The following DOCK6 variants were observed in gnomAD, a reference collection of about 807,000 sequenced individuals.
The protein encoded by DOCK6 is dedicator of cytokinesis 6, also known as dedicator of cytokinesis protein 6.
DOCK6 carries 167 observed loss-of-function variants against 230.3 expected under a neutral mutation model. The observed-to-expected ratio is 0.73, with a 90% CI of 0.64 to 0.82. The LOEUF (loss-of-function observed/expected upper bound fraction) is 0.82, where lower values mean the gene tolerates loss of function less well. DOCK6 is among the 40% of genes least tolerant of loss of function. The pLI is 0.00. For missense variants in DOCK6, 2,598 were observed against 2,825.8 expected (o/e 0.92, Z 1.83); for synonymous variants, 1,148 against 1,185.0 (o/e 0.97, Z 0.64).
At position 11,202,224 on chromosome 19, in the gene DOCK6, A is replaced by G; in HGVS notation, c.5452-99T>C. On this transcript the variant is annotated intron_variant, in intron 43 of 47. Transcript: ENST00000294618. The surrounding 1 kb of genome is among the most constrained non-coding windows in gnomAD (Gnocchi z 5.3). ...GGATCTGGGGACTTTGTCATTTCCA[A>G]GTCTTCCTATGTCTGGATGTTTGGG... The G allele has an allele frequency of 1.4e-6, 2 of 1,426,642 alleles. No homozygotes were observed. Among genetic ancestry groups the G allele is most frequent in the Non-Finnish European group, 9.7e-7 (1 of 1,034,228 alleles). The allele number at this position is 1,426,642 out of a possible 1,614,324, so 88.4% of individuals were successfully genotyped here. A position where few individuals can be genotyped will look rare whatever the true frequency, so the allele number is the denominator to read the frequency against.
In DOCK6 at chr19:11,200,092, G is replaced by C. The variant is rs2079142142; in HGVS notation, c.6101+216C>G. 6.6e-6 allele frequency among the ~76,000 whole-genome samples: 1 copy of C among 150,490 alleles called. No individual in the cohort carries two copies. Among genetic ancestry groups the C allele is most frequent in the African/African-American group, 2.5e-5 (1 of 40,812 alleles). ...TTGAATCTGGGAGGCGGAGGTTGCA[G>C]TGAGCCAAGACTGTGCCAACTGCAC... On this transcript the variant is annotated intron_variant, in intron 47 of 47. Transcript: ENST00000294618. The surrounding 1 kb of genome is among the most constrained non-coding windows in gnomAD (Gnocchi z 4.3).
intron 39 of DOCK6, chr19:11,208,437 C>T (rs1415329564): frequency 4.4e-5 from 16 of 366,408 alleles, no homozygotes; most frequent in South Asian, 3.5e-4. Context: ...TGCGCCACCA[C>T]GCCCGGCTAA....
At chr19:11,242,771 G>A (rs796286279) in intron 13 of DOCK6, among the ~76,000 whole-genome samples, 3 of 152,148 alleles carry the variant, frequency 2.0e-5, no homozygotes, top group African/African-American at 7.2e-5. Flanking sequence ...TTACAGACTT[G>A]AGCCACTGCA....
At position 11,243,089 on chromosome 19, in the gene DOCK6, A is replaced by G. The variant is rs748418455; in HGVS notation, c.1450T>C (p.Ser484Pro). ...KFLADMRRPS[S>P]LLRRLRPVTA... ...ACAGGACGTAGTCGCCGCAGCAGGG[A>G]CGACGGGCGCCTCATGTCAGCCAGG... Residue 484 changes from serine to proline, a missense_variant, in exon 13 of 48, where the codon TCC becomes CCC. Transcript: ENST00000294618. This position sits in a 1 kb window ranked among gnomAD's most constrained non-coding sequence, Gnocchi z 6.3. 6.2e-7 allele frequency: 1 copy of G among 1,613,936 alleles called. No individual in the cohort carries two copies. The highest frequency in any genetic ancestry group is 8.5e-7 in the Non-Finnish European group (1 of 1,179,888).
At chr19:11,239,417 C>T (rs1412552131) in intron 14 of DOCK6, among the ~76,000 whole-genome samples, 1 of 152,198 alleles carries the variant, frequency 6.6e-6, no homozygotes, top group African/African-American at 2.4e-5. Context: ...CCCGTCCTCT[C>T]CCAATGCCCC....
chr19:11,208,931 C>G lies in DOCK6; in HGVS notation c.4924G>C (p.Val1642Leu). The part of the protein sequence containing the change: ...ALLEDHRHLP[V>L]GCVSFQNISS... Reference sequence around the variant, plus strand: ...CTCACCTGGAAGGAAACGCAGCCCACGGGCAGGTGGCGGTGGTCCTCGAGC... The same window carrying G: ...CTCACCTGGAAGGAAACGCAGCCCAGGGGCAGGTGGCGGTGGTCCTCGAGC... Residue 1642 changes from valine to leucine, a missense_variant, in exon 38 of 48, where the codon GTG (valine) becomes CTG (leucine). Physicochemically the swap from Val to Leu is conservative, Grantham distance 32. Transcript: ENST00000294618. 1.3e-6 allele frequency: 2 copies of G among 1,596,788 alleles called. No individual in the cohort carries two copies. Among genetic ancestry groups the G allele is most frequent in the Non-Finnish European group, 1.7e-6 (2 of 1,166,564 alleles).
Position 11,235,691 on chromosome 19 carries a change from C to G in DOCK6, c.2461G>C (p.Ala821Pro). The change falls in exon 21 of 48, where the codon GCA becomes CCA. Residue 821 changes from alanine to proline, a missense_variant. Transcript: ENST00000294618. Reference sequence around the variant, plus strand: ...CAGTGACCGCGGGCATCCTGGGCTGCCTCCAGGCTCCGGTGAACAAGGCTG... The same window carrying G: ...CAGTGACCGCGGGCATCCTGGGCTGGCTCCAGGCTCCGGTGAACAAGGCTG... ...VVSLVHRSLE[A>P]AQDARGHCPQ... 1 of 1,601,428 alleles carries G rather than the reference C, an allele frequency of 6.2e-7. No homozygotes were observed. Among genetic ancestry groups the G allele is most frequent in the Non-Finnish European group, 8.5e-7 (1 of 1,173,960 alleles).
intron 24 of DOCK6, among the ~76,000 whole-genome samples, chr19:11,223,420 T>C (rs1027475201): frequency 1.3e-5 from 2 of 152,146 alleles, no homozygotes; most frequent in African/African-American, 4.8e-5. Flanking sequence ...TGACCAATTC[T>C]GGCCAATGGG....
chr19:11,226,401 G>A (rs922108778), intron 24 of DOCK6, among the ~76,000 whole-genome samples: 1 of 152,248 alleles, frequency 6.6e-6, no homozygotes, highest in Non-Finnish European at 1.5e-5. Context: ...GCTCACGCCT[G>A]TAATCCCAGC....
chr19:11,201,223 G>T lies in DOCK6; in HGVS notation c.5689-171C>A, dbSNP rs1395394414. 3.9e-5 allele frequency among the ~76,000 whole-genome samples: 6 copies of T among 152,018 alleles called. No individual in the cohort carries two copies. The highest frequency in any genetic ancestry group is 2.9e-5 in the Non-Finnish European group (2 of 67,972). ...TGACTCTGGGGGGGTCCAGCCTTGG[G>T]TCTGCTGGGTCTGGTGCCCTGGGGT... is the stretch of plus-strand genomic sequence containing the variant. On this transcript the variant is annotated intron_variant, in intron 44 of 47. Coordinates refer to ENST00000294618, the MANE Select transcript of DOCK6 (RefSeq NM_020812.4). This position sits in a 1 kb window ranked among gnomAD's most constrained non-coding sequence, Gnocchi z 4.3.
At chr19:11,260,658 G>A (rs532880026) in intron 1 of DOCK6, among the ~76,000 whole-genome samples, 7 of 151,006 alleles carry the variant, frequency 4.6e-5, no homozygotes, top group Admixed American at 1.3e-4. Flanking sequence ...GGAGGTGGGC[G>A]GATCACCTGA....
At chr19:11,206,948 G>A (rs369309852) in intron 39 of DOCK6, among the ~76,000 whole-genome samples, 1 of 151,828 alleles carries the variant, frequency 6.6e-6, no homozygotes, top group Non-Finnish European at 1.5e-5. Context: ...GGGTTCAAGC[G>A]AGTCTCATCC....
intron 47 of DOCK6, 129 bp from the exon 48 acceptor site, chr19:11,199,668 T>C: frequency 1.0e-6 from 1 of 995,518 alleles, no homozygotes; most frequent in South Asian, 1.4e-5. Flanking sequence ...CTCCTGTCCC[T>C]GATCTGGCTG....
rs149746243 is a variant in DOCK6, at chr19:11,199,455, C to T, written c.*42G>A. The T allele has an allele frequency of 6.0e-5, 93 of 1,558,848 alleles. No homozygotes were observed. The highest frequency in any genetic ancestry group is 8.2e-5 in the African/African-American group (6 of 73,516). On this transcript the variant is annotated 3_prime_UTR_variant, in exon 48 of 48. Transcript: ENST00000294618. ...CCTCGCAGCACAGACAGCTGAGGCC[C>T]GGGTGCTGGTTCCTCTAGGTACAGC...
rs535174414 is a variant in DOCK6 at position 11,253,530 on chromosome 19, C to G, written c.132+109G>C. 22 of 703,000 alleles carry G rather than the reference C, an allele frequency of 3.1e-5. No individual in the cohort carries two copies. The African/African-American group carries it at 4.0e-4, about 13-fold the overall frequency. The allele number at this position is 703,000 out of a possible 1,614,324, so 43.5% of individuals were successfully genotyped here. On this transcript the variant is annotated intron_variant, in intron 2 of 47. Coordinates refer to ENST00000294618, the MANE Select transcript of DOCK6 (RefSeq NM_020812.4). ...TGCTGGGTCCCTCTCGGTTTCCCCC[C>G]AGGACAGGCCACAGGAGGGAGGGGG...
At chr19:11,241,948 G>T in intron 14 of DOCK6, 97 bp downstream of exon 14, 1 of 1,440,058 alleles carries the variant, frequency 6.9e-7, no homozygotes, top group South Asian at 1.3e-5. Flanking sequence ...ATCTCACCCA[G>T]GGTGTCTGTG....
At chr19:11,237,046 T>A in intron 18 of DOCK6, 167 bp from the exon 19 acceptor site, 1 of 652,716 alleles carries the variant, frequency 1.5e-6, no homozygotes, top group Non-Finnish European at 2.6e-6. Flanking sequence ...GAGGGTCCAC[T>A]GGGCAGGCTG....
Position 11,236,552 on chromosome 19 carries a change from G to A in DOCK6, c.2186C>T (p.Thr729Ile), listed in dbSNP as rs1390133564. 1 of 1,598,332 alleles carries A rather than the reference G, an allele frequency of 6.3e-7. No individual in the cohort carries two copies. The highest frequency in any genetic ancestry group is 8.5e-7 in the Non-Finnish European group (1 of 1,172,868). Reference sequence around the variant, plus strand: ...TCCCTCCTCCAGGACGTGCACCAGGGTGAAGAATTTGTCCAGGTAGGGGTC... The same window carrying A: ...TCCCTCCTCCAGGACGTGCACCAGGATGAAGAATTTGTCCAGGTAGGGGTC... ...PQDPYLDKFF[T>I]LVHVLEEGAF... Residue 729 changes from threonine to isoleucine, a missense_variant, in exon 20 of 48, where the codon ACC becomes ATC. Physicochemically the swap from Thr to Ile is moderately conservative, Grantham distance 89. Transcript: ENST00000294618. This position sits in a 1 kb window ranked among gnomAD's most constrained non-coding sequence, Gnocchi z 5.2.
At chr19:11,203,661 G>A (rs1005612876) in intron 41 of DOCK6, 29 of 220,876 alleles carry the variant, frequency 1.3e-4, no homozygotes, top group Non-Finnish European at 8.9e-5. Flanking sequence ...GAGCCTGGGG[G>A]AGGCTGGAAG....
Sources: gnomAD v4.1 joint callset for allele counts (sites outside exome capture counted in the v4.1 genomes callset) on GRCh38, gnomAD v4.1.1 for gene constraint, Gnocchi (gnomAD v3.1) non-coding constraint, MANE v1.5 for transcripts, NCBI Gene and HGNC (gene_info 2026-07-23, HGNC 2026-07-21) for gene names.